LAMB3: variants seen among roughly 807,000 people sequenced by gnomAD.
The protein encoded by LAMB3 is laminin subunit beta 3.
In LAMB3, 104 loss-of-function variants were observed where a neutral mutation model predicts 140.3. The observed-to-expected ratio is 0.74, with a 90% CI of 0.63 to 0.87. LAMB3 has a LOEUF of 0.87. Ranked by LOEUF, LAMB3 falls within the 40% of genes least tolerant of loss-of-function variation. LAMB3 has a pLI of 0.00. For synonymous variants in LAMB3, 592 were observed against 602.9 expected, an observed-to-expected ratio of 0.98 and a Z score of 0.26; for missense variants, 1,531 against 1,575.2, an observed-to-expected ratio of 0.97 and a Z score of 0.47.
chr1:209,618,370 A>T, intron 19 of LAMB3, 82 bp downstream of exon 19: 1 of 1,380,524 alleles, frequency 7.2e-7, no homozygotes, highest in Non-Finnish European at 1.0e-6. Flanking sequence ...AGCCCTCTGT[A>T]CCCCTCTCCC....
At position 209,623,304 on chromosome 1, in the gene LAMB3, T is replaced by G; in HGVS notation, c.2359-125A>C. ...ACCAAGCACCAGAAACAGCCAGACA[T>G]CTCCATGAGAGCTAAGGACCAGAAA... On this transcript the variant is annotated intron_variant, in intron 16 of 22. Coordinates refer to ENST00000356082, the MANE Select transcript of LAMB3 (RefSeq NM_000228.3). The surrounding 1 kb of genome is among the most constrained non-coding windows in gnomAD (Gnocchi z 4.2). 9.2e-7 allele frequency: 1 copy of G among 1,086,078 alleles called. No individual in the cohort carries two copies. 67.3% of individuals were successfully genotyped at this position (1,086,078 alleles called of 1,614,324 possible).
Position 209,627,551 on chromosome 1 carries a change from C to T in LAMB3, c.1317G>A (p.Arg439=). 1 of 1,614,100 alleles carries T rather than the reference C, an allele frequency of 6.2e-7. No individual in the cohort carries two copies. Among genetic ancestry groups the T allele is most frequent in the African/African-American group, 1.3e-5 (1 of 75,064 alleles). ...HRCDCNILGS[R]RDMPCDEESG... is the part of the protein sequence containing the mutation. ...TCTCCTCGTCACACGGCATGTCCCT[C>T]CGGGACCCCAGGATGTTGCAGTCAC... Residue 439 remains arginine, a synonymous_variant, in exon 12 of 23, where the codon CGG becomes CGA. Coordinates refer to ENST00000356082, the MANE Select transcript of LAMB3 (RefSeq NM_000228.3).
chr1:209,649,997 G>T lies in LAMB3; in HGVS notation c.150C>A (p.Thr50=). The change falls in exon 3 of 23, where the codon ACC becomes ACA. Residue 50 remains threonine (T), a synonymous_variant. Coordinates refer to ENST00000356082, the MANE Select transcript of LAMB3 (RefSeq NM_000228.3). ...FLRASSTCGL[T]KPETYCTQYG... is the part of the protein sequence containing the mutation. ...ACTGGGTGCAGTAGGTCTCAGGCTTGGTCAGTCCACAGGTAGATGAAGCTC... is the reference window on the plus strand; with the variant it reads ...ACTGGGTGCAGTAGGTCTCAGGCTTTGTCAGTCCACAGGTAGATGAAGCTC... The T allele has an allele frequency of 1.9e-6, 3 of 1,614,174 alleles. No individual in the cohort carries two copies. The highest frequency in any genetic ancestry group is 1.1e-5 in the South Asian group (1 of 91,074).
At chr1:209,647,631 G>A (rs2076529674) in intron 3 of LAMB3, among the ~76,000 whole-genome samples, 1 of 152,188 alleles carries the variant, frequency 6.6e-6, no homozygotes, top group Non-Finnish European at 1.5e-5. Context: ...AGAGAGGGGT[G>A]ATAGGGAAGG....
chr1:209,628,226 A>T, intron 10 of LAMB3, 36 bp from the exon 11 acceptor site: 2 of 1,550,042 alleles, frequency 1.3e-6, no homozygotes, highest in Non-Finnish European at 1.7e-6. Context: ...GTAGGAACAA[A>T]GAAAAGTAGA....
chr1:209,645,364 C>T (rs2076506973), intron 3 of LAMB3, among the ~76,000 whole-genome samples: 1 of 152,138 alleles, frequency 6.6e-6, no homozygotes. Context: ...AAACAGTAAA[C>T]TCCCAAGGTA....
rs536802904 is a variant in LAMB3 at position 209,621,415 on chromosome 1, C to T, written c.2701+1121G>A. ...ACTTTCCTGCCCCTCTCTGACCTGCCACCTGCACTCAGGAGGGGACTTCGG... is the reference window on the plus strand; with the variant it reads ...ACTTTCCTGCCCCTCTCTGACCTGCTACCTGCACTCAGGAGGGGACTTCGG... On this transcript the variant is annotated intron_variant, in intron 18 of 22. Transcript: ENST00000356082. Among the ~76,000 whole-genome samples, 7 of 152,332 alleles carry T rather than the reference C, an allele frequency of 4.6e-5. No individual in the cohort carries two copies. In the South Asian group the frequency reaches 1.4e-3, roughly 32 times the overall value.
rs1342881112 is a variant in LAMB3 at position 209,623,612 on chromosome 1, T to C, written c.2251A>G (p.Arg751Gly). The change falls in exon 16 of 23, where the codon AGG (arginine) becomes GGG (glycine). Residue 751 changes from arginine (R) to glycine (G), a missense_variant. Physicochemically the swap from Arg to Gly is moderately radical, Grantham distance 125. Transcript: ENST00000356082. The surrounding 1 kb of genome is among the most constrained non-coding windows in gnomAD (Gnocchi z 4.2). ...CCTCCTCCCGCCTGCCGCACCAGCC[T>C]CTCTGCCTCTCTCCGGCTGTCCCTG... is the stretch of plus-strand genomic sequence containing the variant. ...QLRDSRREAE[R>G]LVRQAGGGGG... The C allele has an allele frequency of 1.9e-5, 30 of 1,614,078 alleles. No individual in the cohort carries two copies. Among genetic ancestry groups the C allele is most frequent in the Non-Finnish European group, 2.5e-5 (30 of 1,180,032 alleles).
At position 209,626,099 on chromosome 1, in the gene LAMB3, A is replaced by G. The variant is rs190260328; in HGVS notation, c.1598-73T>C. 4.6e-3 allele frequency: 6,988 copies of G among 1,512,544 alleles called. 57 individuals are homozygous for G. The highest frequency in any genetic ancestry group is 0.019 in the South Asian group (1,532 of 82,168). The allele number at this position is 1,512,544 out of a possible 1,614,324, so 93.7% of individuals were successfully genotyped here. On this transcript the variant is annotated intron_variant, in intron 13 of 22. Transcript: ENST00000356082. ...AAGCAGCTGTCAGGGAGAGCCCTGA[A>G]GAGGAGGTCTGACCTGAGGCTCTTT...
intron 14 of LAMB3, among the ~76,000 whole-genome samples, chr1:209,624,486 T>C (rs1275142627): frequency 6.6e-6 from 1 of 152,234 alleles, no homozygotes; most frequent in Non-Finnish European, 1.5e-5. Context: ...CACTGAGCTC[T>C]TGGAGAGTCC....
intron 14 of LAMB3, among the ~76,000 whole-genome samples, chr1:209,624,921 AGGAAGGAAGGAAGG>A (rs1666367572): frequency 6.7e-6 from 1 of 150,120 alleles, no homozygotes; most frequent in African/African-American, 2.5e-5. Context: ...GAAGGAAGGA[AGGAAGGAAGGAAGG>A]AAAAAAAGGG....
intron 3 of LAMB3, among the ~76,000 whole-genome samples, chr1:209,645,215 G>A (rs1382638024): frequency 6.6e-6 from 1 of 152,056 alleles, no homozygotes. Flanking sequence ...GGGTCTCGTG[G>A]GTCCCTTTGC....
At chr1:209,632,015 C>T (rs189950106) in intron 8 of LAMB3, among the ~76,000 whole-genome samples, 43 of 152,342 alleles carry the variant, frequency 2.8e-4, no homozygotes, top group African/African-American at 1.0e-3. Flanking sequence ...CACAGCAAAA[C>T]CCCTTGGGAG....
chr1:209,625,382 G>A (rs1026959690), intron 14 of LAMB3, among the ~76,000 whole-genome samples: 2 of 152,128 alleles, frequency 1.3e-5, no homozygotes, highest in African/African-American at 4.8e-5. Flanking sequence ...AGAACGCTGG[G>A]CTTGGGCTCC....
chr1:209,624,545 T>G (rs1340992365), intron 14 of LAMB3, among the ~76,000 whole-genome samples: 2 of 152,034 alleles, frequency 1.3e-5, no homozygotes, highest in African/African-American at 4.8e-5. Context: ...ACCAGCTCCC[T>G]CCTCCAAGCC....
At chr1:209,646,694 G>A (rs1043793101) in intron 3 of LAMB3, among the ~76,000 whole-genome samples, 1 of 152,214 alleles carries the variant, frequency 6.6e-6, no homozygotes, top group Non-Finnish European at 1.5e-5. Flanking sequence ...ATTTGCAGAT[G>A]GGGCAGCCTC....
chr1:209,626,088 G>C, intron 13 of LAMB3, 62 bp from the exon 14 acceptor site: 1 of 1,572,586 alleles, frequency 6.4e-7, no homozygotes. Flanking sequence ...AGCTGTCAGG[G>C]AGAGCCCTGA....
At chr1:209,641,259 G>A (rs1432542560) in intron 3 of LAMB3, among the ~76,000 whole-genome samples, 1 of 152,194 alleles carries the variant, frequency 6.6e-6, no homozygotes, top group Non-Finnish European at 1.5e-5. Context: ...TGAAAGGAGG[G>A]GTGGAAGAGT....
chr1:209,615,160 CT>C lies in LAMB3; in HGVS notation c.*110del. On this transcript the variant is annotated 3_prime_UTR_variant, in exon 23 of 23. Coordinates refer to ENST00000356082, the MANE Select transcript of LAMB3 (RefSeq NM_000228.3). ...CACACCAGGGGTGGTCCAGGCTGTA[CT>C]TTAGGCTGCATGAAAGTCTCCTGGA... The C allele has an allele frequency of 6.9e-7, 1 of 1,443,054 alleles. No individual in the cohort carries two copies. Among genetic ancestry groups the C allele is most frequent in the Non-Finnish European group, 9.6e-7 (1 of 1,039,592 alleles). The allele number at this position is 1,443,054 out of a possible 1,614,324, so 89.4% of individuals were successfully genotyped here.
Sources: allele counts gnomAD v4.1 joint callset (sites outside exome capture counted in the v4.1 genomes callset), GRCh38; gene constraint gnomAD v4.1.1; non-coding constraint Gnocchi (gnomAD v3.1); transcripts MANE v1.5; gene names NCBI Gene and HGNC (gene_info 2026-07-23, HGNC 2026-07-21).